MAGI2: variants seen among roughly 807,000 people sequenced by gnomAD.
The protein encoded by MAGI2 is membrane-associated guanylate kinase, WW and PDZ domain-containing protein 2.
MAGI2 carries 35 observed loss-of-function variants against 133.3 expected under a neutral mutation model. That is an observed-to-expected ratio of 0.26 (90% CI 0.20 to 0.35). The LOEUF (loss-of-function observed/expected upper bound fraction) is 0.35. MAGI2 is among the 10% of genes least tolerant of loss of function. The pLI is 1.00. For synonymous variants in MAGI2, 729 were observed against 710.6 expected, an observed-to-expected ratio of 1.03 and a Z score of -0.41; for missense variants, 1,636 against 1,863.4, an observed-to-expected ratio of 0.88 and a Z score of 2.25.
intron 1 of MAGI2, among the ~76,000 whole-genome samples, chr7:79,056,937 C>T (rs1562840715): frequency 6.6e-6 from 1 of 151,988 alleles, no homozygotes; most frequent in Non-Finnish European, 1.5e-5. Context: ...AGATATTTTC[C>T]TTCTTAAGAA....
At chr7:78,224,571 CAGGGGGATGGCTTGAGCCCAGG>C (rs1789166398) in intron 10 of MAGI2, among the ~76,000 whole-genome samples, 1 of 152,054 alleles carries the variant, frequency 6.6e-6, no homozygotes, top group Non-Finnish European at 1.5e-5. Context: ...GAGGCTGACG[CAGGGGGATGGCTTGAGCCCAGG>C]AGGTGGAGGT....
chr7:79,279,546 G>A (rs1044387776), intron 1 of MAGI2, among the ~76,000 whole-genome samples: 4 of 152,140 alleles, frequency 2.6e-5, no homozygotes, highest in Non-Finnish European at 2.9e-5. Flanking sequence ...GCTCACGCCT[G>A]TAATCCCAGC....
chr7:79,334,143 G>A (rs1840272970), intron 1 of MAGI2, among the ~76,000 whole-genome samples: 2 of 152,114 alleles, frequency 1.3e-5, no homozygotes, highest in African/African-American at 4.8e-5. Flanking sequence ...GAAGTTAGGA[G>A]ACCAGATTCA....
intron 5 of MAGI2, among the ~76,000 whole-genome samples, chr7:78,496,387 A>G (rs1794087128): frequency 1.3e-5 from 2 of 152,282 alleles, no homozygotes; most frequent in South Asian, 4.1e-4. Flanking sequence ...TTTTTTGCCA[A>G]AGCAATAGCA....
chr7:78,430,240 C>CTTTT (rs545809101), intron 6 of MAGI2, among the ~76,000 whole-genome samples: 5,442 of 76,484 alleles, frequency 0.071, 346 homozygotes, highest in African/African-American at 0.085. Context: ...CTGGAAAAGC[C>CTTTT]TTTTTTTTTT....
chr7:78,563,726 C>T (rs57937917), intron 3 of MAGI2, among the ~76,000 whole-genome samples: 15,506 of 152,218 alleles, frequency 0.1, 1,015 homozygotes, highest in Non-Finnish European at 0.15. Context: ...CCATATCACA[C>T]CTTACAAATA....
intron 2 of MAGI2, among the ~76,000 whole-genome samples, chr7:78,762,303 C>G (rs960689312): frequency 6.6e-6 from 1 of 151,766 alleles, no homozygotes. Context: ...ATTAGCCGGG[C>G]GTGGTGGTGC....
chr7:78,575,070 T>C (rs1357483015), intron 3 of MAGI2, among the ~76,000 whole-genome samples: 1 of 152,176 alleles, frequency 6.6e-6, no homozygotes, highest in Non-Finnish European at 1.5e-5. Flanking sequence ...GAGAACTGAT[T>C]GCCCACTGGG....
At chr7:79,070,789 C>A (rs770498937) in intron 1 of MAGI2, among the ~76,000 whole-genome samples, 17 of 152,164 alleles carry the variant, frequency 1.1e-4, no homozygotes, top group Non-Finnish European at 2.2e-4. Context: ...CCGCGCCCAG[C>A]CCATCAGGTC....
At chr7:79,029,363 G>A (rs1810338564) in intron 1 of MAGI2, among the ~76,000 whole-genome samples, 1 of 152,050 alleles carries the variant, frequency 6.6e-6, no homozygotes, top group Non-Finnish European at 1.5e-5. Context: ...AAAGAAGAAA[G>A]CTGATTTTAG....
At chr7:79,070,151 T>C (rs1017072113) in intron 1 of MAGI2, among the ~76,000 whole-genome samples, 4 of 152,148 alleles carry the variant, frequency 2.6e-5, no homozygotes, top group African/African-American at 9.7e-5. Context: ...AATGTTGGCC[T>C]GCCTTGCTAG....
chr7:78,192,203 C>T (rs1375927824), intron 12 of MAGI2, among the ~76,000 whole-genome samples: 1 of 152,140 alleles, frequency 6.6e-6, no homozygotes, highest in African/African-American at 2.4e-5. Context: ...TTCTTTTCCA[C>T]ACCTTCCCTG....
At chr7:79,404,834 C>A (rs562299761) in intron 1 of MAGI2, among the ~76,000 whole-genome samples, 1 of 152,290 alleles carries the variant, frequency 6.6e-6, no homozygotes, top group Admixed American at 6.5e-5. Flanking sequence ...TACTTCCAAG[C>A]ATTTTCCTTA....
At chr7:78,477,331 T>G (rs1791876574) in intron 6 of MAGI2, among the ~76,000 whole-genome samples, 1 of 152,028 alleles carries the variant, frequency 6.6e-6, no homozygotes, top group Non-Finnish European at 1.5e-5. Context: ...AGCTAATTCT[T>G]TTTTAAAATG....
intron 9 of MAGI2, among the ~76,000 whole-genome samples, chr7:78,274,552 C>G (rs1794876699): frequency 6.6e-6 from 1 of 152,124 alleles, no homozygotes; most frequent in Non-Finnish European, 1.5e-5. Context: ...GCCCCTTCCC[C>G]CAAGTGCTCT....
intron 1 of MAGI2, among the ~76,000 whole-genome samples, chr7:79,286,690 A>G (rs368345604): frequency 1.3e-5 from 2 of 152,044 alleles, no homozygotes; most frequent in African/African-American, 4.8e-5. Flanking sequence ...GAGGGCTAAA[A>G]AACAACTTTT....
chr7:78,767,041 G>A (rs1825099853), intron 2 of MAGI2, among the ~76,000 whole-genome samples: 2 of 151,074 alleles, frequency 1.3e-5, no homozygotes, highest in South Asian at 4.2e-4. Flanking sequence ...CCAGGCTGGA[G>A]TGCAATGGCA....
At chr7:79,095,701 T>TACCATCATATAA (rs1817455858) in intron 1 of MAGI2, among the ~76,000 whole-genome samples, 4 of 152,326 alleles carry the variant, frequency 2.6e-5, no homozygotes, top group East Asian at 1.9e-4. Context: ...ACCATCTTTA[T>TACCATCATATAA]ATGACTGTGG....
rs756977610 is a variant in MAGI2, at chr7:78,079,127, A to T, written c.3568-42T>A. On this transcript the variant is annotated intron_variant, in intron 20 of 21. Transcript: ENST00000354212. ...AATTAAGTCAGCCAAAGATGGTTTT[A>T]CTCAAGTTGCATTGTCAACAGATTA... is the stretch of plus-strand genomic sequence containing the variant. 4 of 1,593,468 alleles carry T rather than the reference A, an allele frequency of 2.5e-6. No individual in the cohort carries two copies. In the Admixed American group the frequency reaches 6.9e-5, roughly 27 times the overall value.
Sources: allele counts gnomAD v4.1 joint callset (sites outside exome capture counted in the v4.1 genomes callset), GRCh38; gene constraint gnomAD v4.1.1; transcripts MANE v1.5; gene names NCBI Gene and HGNC (gene_info 2026-07-23, HGNC 2026-07-21).